SYNDIG1: variants seen among roughly 807,000 people sequenced by gnomAD.
The protein encoded by SYNDIG1 is synapse differentiation inducing 1.
In SYNDIG1, 9 loss-of-function variants were observed where a neutral mutation model predicts 19.4. The ratio of observed to expected loss-of-function variants is 0.46; its 90% CI spans 0.28 to 0.81. The LOEUF (loss-of-function observed/expected upper bound fraction) is 0.81, where lower values mean the gene tolerates loss of function less well. Among genes scored for constraint, SYNDIG1 ranks in the 30% least tolerant of loss-of-function variants. The probability of loss-of-function intolerance (pLI) is 0.12; values close to 1 mark genes in which losing one functional copy is unlikely to be tolerated. For missense variants in SYNDIG1, 311 were observed against 343.3 expected (o/e 0.91, Z 0.74); for synonymous variants, 141 against 145.9 (o/e 0.97, Z 0.24).
At chr20:24,547,671 A>G (rs1326415304) in intron 2 of SYNDIG1, among the ~76,000 whole-genome samples, 3 of 152,170 alleles carry the variant, frequency 2.0e-5, no homozygotes, top group Non-Finnish European at 2.9e-5. Flanking sequence ...CTTCCCAGGT[A>G]TGTGAACACT....
At chr20:24,514,594 AC>A (rs2056822009) in intron 1 of SYNDIG1, among the ~76,000 whole-genome samples, 1 of 152,236 alleles carries the variant, frequency 6.6e-6, no homozygotes, top group Non-Finnish European at 1.5e-5. Context: ...ATATATATGC[AC>A]CCAATACAGG....
intron 1 of SYNDIG1, among the ~76,000 whole-genome samples, chr20:24,478,910 G>C (rs752064065): frequency 6.6e-6 from 1 of 152,220 alleles, no homozygotes; most frequent in Admixed American, 6.5e-5. Flanking sequence ...ATTGAACTCC[G>C]CAGGACAGCA....
Position 24,664,691 on chromosome 20 carries a change from A to G in SYNDIG1, c.619-655A>G, listed in dbSNP as rs570306936. Reference sequence around the variant, plus strand: ...GAATATAGGTGTTAGTTTTGTATCAAATGATTTTATTGATGGATGAATTTT... The same window carrying G: ...GAATATAGGTGTTAGTTTTGTATCAGATGATTTTATTGATGGATGAATTTT... On this transcript the variant is annotated intron_variant, in intron 3 of 3. Transcript: ENST00000376862. Among the ~76,000 whole-genome samples, 165 of 152,290 alleles carry G rather than the reference A, an allele frequency of 1.1e-3. 1 individual carries two copies. The highest frequency in any genetic ancestry group is 3.9e-3 in the African/African-American group (164 of 41,568).
At chr20:24,599,628 T>C (rs532622792) in intron 3 of SYNDIG1, among the ~76,000 whole-genome samples, 1 of 152,280 alleles carries the variant, frequency 6.6e-6, no homozygotes, top group South Asian at 2.1e-4. Flanking sequence ...GTGGTATAGA[T>C]ACACAATGGA....
At chr20:24,574,548 G>T (rs1410162500) in intron 2 of SYNDIG1, among the ~76,000 whole-genome samples, 1 of 152,032 alleles carries the variant, frequency 6.6e-6, no homozygotes, top group Non-Finnish European at 1.5e-5. Context: ...ATTTGCTAAA[G>T]CTGCCCTCCC....
At chr20:24,633,948 C>T (rs990005705) in intron 3 of SYNDIG1, among the ~76,000 whole-genome samples, 2 of 152,346 alleles carry the variant, frequency 1.3e-5, no homozygotes, top group South Asian at 4.1e-4. Context: ...CCGCCAAACT[C>T]TGCCTGGGGT....
chr20:24,521,247 G>C (rs1252616829), intron 1 of SYNDIG1, among the ~76,000 whole-genome samples: 1 of 152,152 alleles, frequency 6.6e-6, no homozygotes, highest in Non-Finnish European at 1.5e-5. Context: ...CCCACCTTCT[G>C]ACTACTTCTG....
At chr20:24,569,270 G>A (rs1275844582) in intron 2 of SYNDIG1, among the ~76,000 whole-genome samples, 1 of 152,220 alleles carries the variant, frequency 6.6e-6, no homozygotes, top group Non-Finnish European at 1.5e-5. Flanking sequence ...TGACAGGAGA[G>A]TGACTCGTGT....
intron 2 of SYNDIG1, among the ~76,000 whole-genome samples, chr20:24,576,569 A>G (rs1483576838): frequency 1.3e-5 from 2 of 152,118 alleles, no homozygotes; most frequent in Admixed American, 6.5e-5. Context: ...GCCCCTTGTC[A>G]TGGTTGACTC....
At chr20:24,541,507 C>T (rs557013646) in intron 1 of SYNDIG1, among the ~76,000 whole-genome samples, 1 of 152,304 alleles carries the variant, frequency 6.6e-6, no homozygotes, top group South Asian at 2.1e-4. Flanking sequence ...CCTCCAGCTG[C>T]CTTCCTCTAT....
chr20:24,534,569 C>T (rs573926255), intron 1 of SYNDIG1, among the ~76,000 whole-genome samples: 66 of 152,350 alleles, frequency 4.3e-4, no homozygotes, highest in African/African-American at 1.6e-3. Context: ...CAGGGCTTGC[C>T]GTCAGCGGGT....
chr20:24,557,522 C>T (rs970259592), intron 2 of SYNDIG1, among the ~76,000 whole-genome samples: 7 of 152,142 alleles, frequency 4.6e-5, no homozygotes, highest in African/African-American at 1.4e-4. Context: ...TTCCTTCTAA[C>T]AGACAGGACC....
intron 1 of SYNDIG1, among the ~76,000 whole-genome samples, chr20:24,502,518 A>G (rs1478353231): frequency 6.6e-6 from 1 of 152,206 alleles, no homozygotes; most frequent in East Asian, 1.9e-4. Context: ...GGGAGACAGA[A>G]TCTCTCAGAA....
At chr20:24,664,449 G>T (rs1294062911) in intron 3 of SYNDIG1, among the ~76,000 whole-genome samples, 1 of 152,114 alleles carries the variant, frequency 6.6e-6, no homozygotes, top group Non-Finnish European at 1.5e-5. Flanking sequence ...ACCACAGGGG[G>T]CCCGCGGGTG....
rs113818214 is a variant in SYNDIG1, at chr20:24,587,644, G to A, written c.618+2651G>A. On this transcript the variant is annotated intron_variant, in intron 3 of 3. Transcript: ENST00000376862. Reference sequence around the variant, plus strand: ...AAATTAAATCAGTGCTTTCCTAAGCGAGGCCAGCTGGGAGTGCGAAGCCCA... The same window carrying A: ...AAATTAAATCAGTGCTTTCCTAAGCAAGGCCAGCTGGGAGTGCGAAGCCCA... Among the ~76,000 whole-genome samples the A allele has an allele frequency of 6.7e-4, 102 of 152,346 alleles. 2 individuals carry two copies. Among genetic ancestry groups the A allele is most frequent in the African/African-American group, 2.3e-3 (97 of 41,582 alleles).
chr20:24,525,757 T>C (rs2057111423), intron 1 of SYNDIG1, among the ~76,000 whole-genome samples: 1 of 152,358 alleles, frequency 6.6e-6, no homozygotes, highest in African/African-American at 2.4e-5. Context: ...AAAATTATTA[T>C]TCAAATATTC....
chr20:24,644,182 T>G (rs1306258569), intron 3 of SYNDIG1, among the ~76,000 whole-genome samples: 1 of 152,250 alleles, frequency 6.6e-6, no homozygotes, highest in African/African-American at 2.4e-5. Context: ...ATTGGTCTGC[T>G]CTATGGAGTC....
chr20:24,570,342 C>T (rs935648103), intron 2 of SYNDIG1, among the ~76,000 whole-genome samples: 1 of 152,236 alleles, frequency 6.6e-6, no homozygotes, highest in Non-Finnish European at 1.5e-5. Flanking sequence ...TGCAAAAAAA[C>T]ACTGTCAAAT....
chr20:24,587,493 G>A (rs1245269227), intron 3 of SYNDIG1, among the ~76,000 whole-genome samples: 1 of 152,262 alleles, frequency 6.6e-6, no homozygotes, highest in East Asian at 1.9e-4. Flanking sequence ...AGGCTGCTGA[G>A]CATTCTGTTT....
Sources: gnomAD v4.1 joint callset for allele counts (sites outside exome capture counted in the v4.1 genomes callset) on GRCh38, gnomAD v4.1.1 for gene constraint, MANE v1.5 for transcripts, NCBI Gene and HGNC (gene_info 2026-07-23, HGNC 2026-07-21) for gene names.